Variants in OBP2A observed in about 807,000 individuals in gnomAD.
The protein encoded by OBP2A is odorant-binding protein 2a.
In OBP2A, 15 loss-of-function variants were observed where a neutral mutation model predicts 21.9. The ratio of observed to expected loss-of-function variants is 0.69; its 90% CI spans 0.46 to 1.06. The LOEUF is 1.06. Ranked by LOEUF, OBP2A falls within the 50% of genes least tolerant of loss-of-function variation. The pLI is 0.00. For missense variants in OBP2A, 192 were observed against 220.1 expected, an observed-to-expected ratio of 0.87 and a Z score of 0.81; for synonymous variants, 86 against 91.8, an observed-to-expected ratio of 0.94 and a Z score of 0.36.
rs369119006 is a variant in OBP2A at position 135,547,246 on chromosome 9, C to T, written c.275C>T (p.Ala92Val). Residue 92 changes from alanine (A) to valine (V), a missense_variant and splice_region_variant, in exon 3 of 7, where the codon GCC becomes GTC. Ala to Val is a moderately conservative substitution (Grantham distance 64, BLOSUM62 0). Transcript: ENST00000371776. ...ACGGAGGAGCCTGGCAAATTCAGCG[C>T]CTGTGAGCCCCTCCCCGACCCCCCA... ...RKTEEPGKFS[A>V]YGGRKLIYLQ... 15 of 1,613,598 alleles carry T rather than the reference C, an allele frequency of 9.3e-6. No individual in the cohort carries two copies. Among genetic ancestry groups the T allele is most frequent in the Non-Finnish European group, 1.3e-5 (15 of 1,179,988 alleles).
intron 5 of OBP2A, 143 bp downstream of exon 5, chr9:135,548,952 G>C (rs536548307): frequency 2.0e-6 from 2 of 1,008,762 alleles, no homozygotes; most frequent in South Asian, 2.9e-5. Context: ...GCCCTGCTTA[G>C]CATCCTCGTC....
At position 135,549,527 on chromosome 9, in the gene OBP2A, C is replaced by T; in HGVS notation, c.*1+196C>T. 2 of 638,700 alleles carry T rather than the reference C, an allele frequency of 3.1e-6. 1 individual carries two copies. The highest frequency in any genetic ancestry group is 3.9e-5 in the South Asian group (2 of 50,778). 39.6% of individuals were successfully genotyped at this position (638,700 alleles called of 1,614,324 possible). A position where few individuals can be genotyped will look rare whatever the true frequency, so the allele number is the denominator to read the frequency against. ...CGGGAAGTCCTTTGTTTTACCATTC[C>T]TGCACCTGCCAGCCCGAGTGAGGGT... On this transcript the variant is annotated intron_variant, in intron 6 of 6. Coordinates refer to ENST00000371776, the MANE Select transcript of OBP2A (RefSeq NM_014582.3).
chr9:135,546,528 C>G lies in OBP2A; in HGVS notation c.73-250C>G, dbSNP rs1282884745. Among the ~76,000 whole-genome samples, 6 of 151,790 alleles carry G rather than the reference C, an allele frequency of 4.0e-5. No homozygotes were observed. In the East Asian group the frequency reaches 1.2e-3, roughly 30 times the overall value. On this transcript the variant is annotated intron_variant, in intron 1 of 6. Coordinates refer to ENST00000371776, the MANE Select transcript of OBP2A (RefSeq NM_014582.3). Reference sequence around the variant, plus strand: ...TGGGCCCTGTGGAGGGAGGGCTCACCTGGTGCTGGGGCCCGGGGGTCCATG... The same window carrying G: ...TGGGCCCTGTGGAGGGAGGGCTCACGTGGTGCTGGGGCCCGGGGGTCCATG...
At chr9:135,547,739 GC>G in intron 3 of OBP2A, 131 bp from the exon 4 acceptor site, 2 of 680,974 alleles carry the variant, frequency 2.9e-6, no homozygotes. Flanking sequence ...GTGCGGAGCA[GC>G]CAGGCCTGGC....
At chr9:135,546,661 C>T in intron 1 of OBP2A, 117 bp from the exon 2 acceptor site, 1 of 1,507,052 alleles carries the variant, frequency 6.6e-7, no homozygotes, top group South Asian at 1.3e-5. Context: ...CCCAGCCTGC[C>T]TTTAGGGGTG....
At position 135,547,980 on chromosome 9, in the gene OBP2A, G is replaced by A. The variant is rs764969424; in HGVS notation, c.387G>A (p.Val129=). Residue 129 remains valine, a splice_region_variant and synonymous_variant, in exon 4 of 7, where the codon GTG becomes GTA. Transcript: ENST00000371776. ...RGGLRYMGKL[V]GRNPNTNLEA... ...GCCTGCGCTACATGGGAAAGCTTGT[G>A]GGTGAGGGGCCCGCTGGGGCCTGCA... 3.1e-6 allele frequency: 5 copies of A among 1,602,036 alleles called. No individual in the cohort carries two copies. The East Asian group carries it at 8.9e-5, about 29-fold the overall frequency.
chr9:135,546,449 C>A (rs965546827), intron 1 of OBP2A, among the ~76,000 whole-genome samples, 197 bp downstream of exon 1: 1 of 152,008 alleles, frequency 6.6e-6, no homozygotes, highest in African/African-American at 2.4e-5. Flanking sequence ...GGAGCAGGCT[C>A]GGCTCAGGGG....
chr9:135,548,957 C>A, intron 5 of OBP2A, 148 bp downstream of exon 5: 1 of 981,134 alleles, frequency 1.0e-6, no homozygotes, highest in Non-Finnish European at 1.6e-6. Context: ...GCTTAGCATC[C>A]TCGTCGTTGG....
chr9:135,548,673 C>A (rs754171504), intron 4 of OBP2A, 35 bp from the exon 5 acceptor site: 1 of 1,613,350 alleles, frequency 6.2e-7, no homozygotes, highest in Non-Finnish European at 8.5e-7. Context: ...GTGCCGCTGT[C>A]CCCACCTTGG....
rs1212406426 is a variant in OBP2A, at chr9:135,546,200, G to T, written c.20G>T (p.Gly7Val). MKTLFL[G>V]VTLGLAAALS... ...CTGGAGATGAAGACCCTGTTCCTGG[G>T]TGTCACGCTCGGCCTGGCCGCTGCC... Residue 7 changes from glycine to valine, a missense_variant, in exon 1 of 7, where the codon GGT (glycine) becomes GTT (valine). Physicochemically the swap from Gly to Val is moderately radical, Grantham distance 109. Transcript: ENST00000371776. 3 of 1,505,656 alleles carry T rather than the reference G, an allele frequency of 2.0e-6. No individual in the cohort carries two copies. The allele number at this position is 1,505,656 out of a possible 1,614,324, so 93.3% of individuals were successfully genotyped here.
At chr9:135,548,094 C>T (rs1476202340) in intron 4 of OBP2A, 113 bp downstream of exon 4, 15 of 741,932 alleles carry the variant, frequency 2.0e-5, no homozygotes, top group Non-Finnish European at 3.2e-5. Flanking sequence ...CCCCCTGCGC[C>T]GGCCTTCGTG....
At position 135,546,814 on chromosome 9, in the gene OBP2A, G is replaced by T. The variant is rs139109337; in HGVS notation, c.109G>T (p.Asp37Tyr). ...GTWYVKAMVV[D>Y]KDFPEDRRPR... ...CTGGTACGTGAAGGCCATGGTGGTC[G>T]ATAAGGACTTTCCGGAGGACAGGAG... Residue 37 changes from aspartate (D) to tyrosine (Y), a missense_variant, in exon 2 of 7, where the codon GAT (aspartate) becomes TAT (tyrosine). By Grantham distance (160) the Asp-to-Tyr change is radical. Coordinates refer to ENST00000371776, the MANE Select transcript of OBP2A (RefSeq NM_014582.3). The T allele has an allele frequency of 1.2e-6, 2 of 1,613,046 alleles. No homozygotes were observed. Among genetic ancestry groups the T allele is most frequent in the Non-Finnish European group, 1.7e-6 (2 of 1,179,452 alleles).
intron 1 of OBP2A, 71 bp downstream of exon 1, chr9:135,546,323 C>T: frequency 7.1e-7 from 1 of 1,414,866 alleles, no homozygotes. Context: ...GCCAGGGGCC[C>T]TGCTTTAGGA....
At chr9:135,546,546 G>T (rs1831936690) in intron 1 of OBP2A, among the ~76,000 whole-genome samples, 1 of 151,564 alleles carries the variant, frequency 6.6e-6, no homozygotes, top group Non-Finnish European at 1.5e-5. Context: ...GGGGCCCGGG[G>T]GTCCATGGGG....
Position 135,547,894 on chromosome 9 carries a change from C to T in OBP2A, c.301C>T (p.Leu101=). The change falls in exon 4 of 7, where the codon CTG becomes TTG. Residue 101 remains leucine, a synonymous_variant. Transcript: ENST00000371776. ...SAYGGRKLIY[L]QELPGTDDYV... is the part of the protein sequence containing the mutation. The stretch of plus-strand genomic sequence containing the variant: ...AGATGGGGGCAGGAAGCTCATATAC[C>T]TGCAGGAGCTGCCCGGGACGGACGA... 6.2e-7 allele frequency: 1 copy of T among 1,612,580 alleles called. No individual in the cohort carries two copies. The highest frequency in any genetic ancestry group is 8.5e-7 in the Non-Finnish European group (1 of 1,179,408).
At chr9:135,549,646 TC>T (rs1285294453) in intron 6 of OBP2A, 190 bp from the exon 7 acceptor site, 24 of 569,162 alleles carry the variant, frequency 4.2e-5, no homozygotes, top group South Asian at 1.1e-4. Flanking sequence ...CTCGGTCTAC[TC>T]CCCCCCACCC....
In OBP2A at chr9:135,547,213, T is replaced by C. The variant is rs750734814; in HGVS notation, c.242T>C (p.Met81Thr). The change falls in exon 3 of 7, where the codon ATG (methionine) becomes ACG (threonine). Residue 81 changes from methionine (M) to threonine (T), a missense_variant. Met to Thr is a moderately conservative substitution (Grantham distance 81). Coordinates refer to ENST00000371776, the MANE Select transcript of OBP2A (RefSeq NM_014582.3). The stretch of plus-strand genomic sequence containing the variant: ...CGGTGCATCCAGAAGAAAATCCTGA[T>C]GCGGAAGACGGAGGAGCCTGGCAAA... ...EDRCIQKKIL[M>T]RKTEEPGKFS... 2 of 1,613,194 alleles carry C rather than the reference T, an allele frequency of 1.2e-6. No individual in the cohort carries two copies. The highest frequency in any genetic ancestry group is 1.7e-5 in the Admixed American group (1 of 60,024).
At chr9:135,549,089 G>C (rs28597087) in intron 5 of OBP2A, among the ~76,000 whole-genome samples, 6 of 12,148 alleles carry the variant, frequency 4.9e-4, no homozygotes, top group African/African-American at 2.1e-3. Flanking sequence ...GGCTGCGATG[G>C]GGTCTGGGGC....
chr9:135,548,032 A>T (rs762641696), intron 4 of OBP2A, 51 bp downstream of exon 4: 6 of 1,338,858 alleles, frequency 4.5e-6, no homozygotes, highest in African/African-American at 1.5e-5. Flanking sequence ...CTCTGCCTCC[A>T]GAAGCCAGTG....
Sources: allele counts gnomAD v4.1 joint callset (sites outside exome capture counted in the v4.1 genomes callset), GRCh38; gene constraint gnomAD v4.1.1; transcripts MANE v1.5; gene names NCBI Gene and HGNC (gene_info 2026-07-23, HGNC 2026-07-21).